Variants in DAPK1 observed in about 807,000 individuals in gnomAD.
DAPK1 encodes the protein death-associated protein kinase 1.
A neutral mutation model predicts 144.9 loss-of-function variants in DAPK1; 56 were observed. The ratio of observed to expected loss-of-function variants is 0.39; its 90% CI spans 0.31 to 0.48. The LOEUF is 0.48. Ranked by LOEUF, DAPK1 falls within the 20% of genes least tolerant of loss-of-function variation. The pLI is 0.95. For synonymous variants in DAPK1, 690 were observed against 749.0 expected, an observed-to-expected ratio of 0.92 and a Z score of 1.29; for missense variants, 1,454 against 1,875.4, an observed-to-expected ratio of 0.78 and a Z score of 4.15.
chr9:87,667,845 G>A (rs765601891), intron 18 of DAPK1: 1 of 152,154 alleles, frequency 6.6e-6, no homozygotes, highest in Non-Finnish European at 1.5e-5. Flanking sequence ...GGGGAACAGT[G>A]ACAGCTTCTG....
intron 24 of DAPK1, chr9:87,701,866 G>T: frequency 2.1e-6 from 1 of 470,146 alleles, no homozygotes; most frequent in South Asian, 1.6e-5. Flanking sequence ...AGATATCCTC[G>T]TTGGGGTCCC....
At position 87,498,016 on chromosome 9, in the gene DAPK1, C is replaced by T. The variant is rs1369133149; in HGVS notation, c.-200C>T. 5.0e-6 allele frequency: 2 copies of T among 397,638 alleles called. No individual in the cohort carries two copies. Among genetic ancestry groups the T allele is most frequent in the Non-Finnish European group, 8.9e-6 (2 of 225,680 alleles). 24.6% of individuals were successfully genotyped at this position (397,638 alleles called of 1,614,324 possible). ...CCCCACTCACTCCCTAGCTGTGTTC[C>T]CGCCGCCGCCCCGGCTAGTCTCCGG... On this transcript the variant is annotated 5_prime_UTR_variant, in exon 1 of 26. Transcript: ENST00000408954.
At chr9:87,639,864 A>G in intron 7 of DAPK1, 49 bp downstream of exon 7, 1 of 1,590,882 alleles carries the variant, frequency 6.3e-7, no homozygotes, top group South Asian at 1.1e-5. Flanking sequence ...CTATGAGACC[A>G]TAGGTTTAAT....
chr9:87,706,748 C>T lies in DAPK1; in HGVS notation c.3677C>T (p.Thr1226Met). The part of the protein sequence containing the change: ...CSTIENVMAT[T>M]LPGLLTVKHY... ...ACCATTGAGAACGTCATGGCCACCA[C>T]GCTGCCAGGGCTCCTGACCGTGAAG... The change falls in exon 26 of 26, where the codon ACG becomes ATG. Residue 1226 changes from threonine (T) to methionine (M), a missense_variant. Physicochemically the swap from Thr to Met is moderately conservative, Grantham distance 81. Coordinates refer to ENST00000408954, the MANE Select transcript of DAPK1 (RefSeq NM_004938.4). This position sits in a 1 kb window ranked among gnomAD's most constrained non-coding sequence, Gnocchi z 9.0. The T allele has an allele frequency of 3.7e-6, 6 of 1,613,408 alleles. No homozygotes were observed. Among genetic ancestry groups the T allele is most frequent in the Non-Finnish European group, 5.1e-6 (6 of 1,179,836 alleles).
intron 3 of DAPK1, among the ~76,000 whole-genome samples, chr9:87,609,381 A>G (rs965342194): frequency 6.6e-6 from 1 of 152,200 alleles, no homozygotes; most frequent in African/African-American, 2.4e-5. Flanking sequence ...GAACCCTGAT[A>G]ATACAGTGGC....
chr9:87,679,843 G>T (rs1206787236), intron 19 of DAPK1, among the ~76,000 whole-genome samples: 2 of 152,090 alleles, frequency 1.3e-5, no homozygotes. Context: ...CTTGTACGTT[G>T]GAGTGCCCCT....
chr9:87,600,696 A>C (rs1164530578), intron 2 of DAPK1, among the ~76,000 whole-genome samples: 1 of 152,256 alleles, frequency 6.6e-6, no homozygotes, highest in Non-Finnish European at 1.5e-5. Context: ...ATGTCATAGC[A>C]TGCAAAGAAT....
chr9:87,670,656 G>C (rs1831220364), intron 19 of DAPK1, among the ~76,000 whole-genome samples: 1 of 152,092 alleles, frequency 6.6e-6, no homozygotes, highest in South Asian at 2.1e-4. Flanking sequence ...TGATGCCCTG[G>C]CTCAGCTCAC....
intron 2 of DAPK1, among the ~76,000 whole-genome samples, chr9:87,563,355 G>A (rs1486752766): frequency 6.6e-6 from 1 of 152,120 alleles, no homozygotes; most frequent in Non-Finnish European, 1.5e-5. Context: ...AATTTAAGTG[G>A]TTCACACTCC....
At chr9:87,551,336 C>T (rs978150661) in intron 2 of DAPK1, among the ~76,000 whole-genome samples, 30 of 152,028 alleles carry the variant, frequency 2.0e-4, no homozygotes, top group African/African-American at 6.3e-4. Flanking sequence ...TTACTAGAGA[C>T]GGGGTTTCAC....
chr9:87,645,447 A>G (rs1830234555), intron 11 of DAPK1, among the ~76,000 whole-genome samples: 1 of 152,248 alleles, frequency 6.6e-6, no homozygotes, highest in Non-Finnish European at 1.5e-5. Flanking sequence ...TGTAATTGGA[A>G]AAATTGCAAA....
chr9:87,569,425 T>G (rs1342747070), intron 2 of DAPK1, among the ~76,000 whole-genome samples: 1 of 152,246 alleles, frequency 6.6e-6, no homozygotes, highest in Non-Finnish European at 1.5e-5. Flanking sequence ...TTGACTTATG[T>G]GCTTCATCGC....
chr9:87,649,925 A>G lies in DAPK1; in HGVS notation c.1433A>G (p.Glu478Gly), dbSNP rs991608098. Residue 478 changes from glutamate to glycine, a missense_variant, in exon 16 of 26, where the codon GAA becomes GGA. By Grantham distance (98) the Glu-to-Gly change is moderately conservative. Around this residue, in one of 2 missense-constraint regions of DAPK1, gnomAD observed 429 missense variants for 637.5 expected, o/e 0.67. Coordinates refer to ENST00000408954, the MANE Select transcript of DAPK1 (RefSeq NM_004938.4). Reference sequence around the variant, plus strand: ...TGTACTCGTCTCCTTGGCCAGGAAGAAGAAACCCCCCTGCACTGTGCTGCT... The same window carrying G: ...TGTACTCGTCTCCTTGGCCAGGAAGGAGAAACCCCCCTGCACTGTGCTGCT... Reference protein sequence around the residue: ...GSNPNIQDKEEETPLHCAAWH... With the variant: ...GSNPNIQDKEGETPLHCAAWH... 6.2e-7 allele frequency: 1 copy of G among 1,613,990 alleles called. No individual in the cohort carries two copies. The highest frequency in any genetic ancestry group is 1.3e-5 in the African/African-American group (1 of 74,894).
intron 17 of DAPK1, among the ~76,000 whole-genome samples, chr9:87,656,284 C>T (rs958497995): frequency 1.3e-5 from 2 of 152,016 alleles, no homozygotes; most frequent in African/African-American, 2.4e-5. Context: ...AAGCTGGAGA[C>T]GTTGGGTCCA....
rs17053067 is a variant in DAPK1 at position 87,528,149 on chromosome 9, G to A, written c.62+29010G>A. ...GAATCAGACTTGAGAGAACTTGAGC[G>A]TGCGTAAGCACCTTGATGTCTTATC... On this transcript the variant is annotated intron_variant, in intron 2 of 25. Coordinates refer to ENST00000408954, the MANE Select transcript of DAPK1 (RefSeq NM_004938.4). Among the ~76,000 whole-genome samples the A allele has an allele frequency of 4.3e-4, 65 of 152,280 alleles. No homozygotes were observed. In the East Asian group the frequency reaches 6.0e-3, roughly 14 times the overall value.
chr9:87,611,303 G>A (rs1306563784), intron 3 of DAPK1, among the ~76,000 whole-genome samples: 2 of 152,234 alleles, frequency 1.3e-5, no homozygotes, highest in Admixed American at 6.5e-5. Context: ...GGACCTAGGC[G>A]TTTGCATTTT....
intron 17 of DAPK1, among the ~76,000 whole-genome samples, chr9:87,652,924 C>G (rs369008607): frequency 3.3e-5 from 4 of 119,658 alleles, no homozygotes; most frequent in East Asian, 2.7e-4. Flanking sequence ...TCTGTGTTCT[C>G]TCACCTGAAC....
At chr9:87,576,355 T>C (rs1201659697) in intron 2 of DAPK1, among the ~76,000 whole-genome samples, 1 of 152,244 alleles carries the variant, frequency 6.6e-6, no homozygotes, top group Non-Finnish European at 1.5e-5. Context: ...ATATTTGCTC[T>C]TATGTTTTGT....
Position 87,707,839 on chromosome 9 carries a change from G to T in DAPK1, c.*475G>T, listed in dbSNP as rs2099278233. ...GCTTATCTCTTTTATATTTGTAGGA[G>T]AAACTCCCATGTATGGAATCCCACT... is the stretch of plus-strand genomic sequence containing the variant. On this transcript the variant is annotated 3_prime_UTR_variant, in exon 26 of 26. Transcript: ENST00000408954. This position sits in a 1 kb window ranked among gnomAD's most constrained non-coding sequence, Gnocchi z 4.0. The T allele has an allele frequency of 2.2e-6, 1 of 456,874 alleles. No individual in the cohort carries two copies. 28.3% of individuals were successfully genotyped at this position (456,874 alleles called of 1,614,324 possible).
Sources: allele counts gnomAD v4.1 joint callset (sites outside exome capture counted in the v4.1 genomes callset), GRCh38; gene constraint gnomAD v4.1.1; regional missense constraint gnomAD v4.1.1; non-coding constraint Gnocchi (gnomAD v3.1); transcripts MANE v1.5; gene names NCBI Gene and HGNC (gene_info 2026-07-23, HGNC 2026-07-21).